Variants in GALNTL6 observed in about 807,000 individuals in gnomAD.
GALNTL6 encodes polypeptide N-acetylgalactosaminyltransferase like 6.
GALNTL6 carries 46 observed loss-of-function variants against 73.7 expected under a neutral mutation model. That is an observed-to-expected ratio of 0.62 (90% CI 0.49 to 0.80). GALNTL6 has a LOEUF of 0.80. Ranked by LOEUF, GALNTL6 falls within the 30% of genes least tolerant of loss-of-function variation. The pLI is 0.00. For missense variants in GALNTL6, 604 were observed against 755.0 expected, an observed-to-expected ratio of 0.80 and a Z score of 2.34; for synonymous variants, 259 against 263.7, an observed-to-expected ratio of 0.98 and a Z score of 0.17.
chr4:172,648,760 C>T (rs1024662825), intron 5 of GALNTL6, among the ~76,000 whole-genome samples: 8 of 152,164 alleles, frequency 5.3e-5, no homozygotes, highest in African/African-American at 1.9e-4. Context: ...CTATCTTTTG[C>T]TGATATTTGC....
chr4:172,050,468 G>T (rs1206227984), intron 2 of GALNTL6, among the ~76,000 whole-genome samples: 1 of 152,104 alleles, frequency 6.6e-6, no homozygotes, highest in Non-Finnish European at 1.5e-5. Context: ...TAAAAATTTG[G>T]GGTGGGCAGA....
At chr4:172,991,546 C>T (rs1751546008) in intron 10 of GALNTL6, among the ~76,000 whole-genome samples, 1 of 151,874 alleles carries the variant, frequency 6.6e-6, no homozygotes, top group South Asian at 2.1e-4. Flanking sequence ...ACTACAGGGG[C>T]ATGCCACCAC....
At chr4:172,181,200 A>G (rs1735230501) in intron 2 of GALNTL6, among the ~76,000 whole-genome samples, 1 of 152,168 alleles carries the variant, frequency 6.6e-6, no homozygotes, top group Non-Finnish European at 1.5e-5. Flanking sequence ...CCTGATGAAC[A>G]TCAATGCAAA....
chr4:172,094,783 A>G (rs999704308), intron 2 of GALNTL6, among the ~76,000 whole-genome samples: 1 of 152,060 alleles, frequency 6.6e-6, no homozygotes, highest in Admixed American at 6.5e-5. Flanking sequence ...AATCATATTT[A>G]TCACCTGTAA....
intron 5 of GALNTL6, among the ~76,000 whole-genome samples, chr4:172,633,098 G>A (rs1315742565): frequency 1.3e-5 from 2 of 152,228 alleles, no homozygotes; most frequent in East Asian, 3.9e-4. Context: ...TGCTAGGGCA[G>A]TGTGGAAGGG....
intron 5 of GALNTL6, among the ~76,000 whole-genome samples, chr4:172,400,320 T>C (rs562862714): frequency 4.3e-4 from 65 of 152,326 alleles, no homozygotes; most frequent in African/African-American, 1.5e-3. Context: ...AAATGAATTC[T>C]AATACATTTT....
intron 2 of GALNTL6, among the ~76,000 whole-genome samples, chr4:172,050,691 A>G (rs182283061): frequency 2.0e-4 from 31 of 152,230 alleles, no homozygotes; most frequent in African/African-American, 7.0e-4. Context: ...CTTGCCTATT[A>G]TTTTGAGCTA....
chr4:172,228,127 T>A (rs1259572507), intron 2 of GALNTL6, among the ~76,000 whole-genome samples: 1 of 152,156 alleles, frequency 6.6e-6, no homozygotes, highest in East Asian at 1.9e-4. Flanking sequence ...TATAAGTTGA[T>A]CATCAATTCA....
chr4:172,958,890 AT>A (rs1372837368), intron 10 of GALNTL6, among the ~76,000 whole-genome samples: 49 of 152,118 alleles, frequency 3.2e-4, no homozygotes, highest in Non-Finnish European at 5.4e-4. Context: ...GGAGGGAGGT[AT>A]TTAGGATAGG....
At chr4:171,986,230 G>A (rs1246542166) in intron 2 of GALNTL6, among the ~76,000 whole-genome samples, 1 of 151,716 alleles carries the variant, frequency 6.6e-6, no homozygotes, top group Admixed American at 6.6e-5. Flanking sequence ...TAAGGGTGGG[G>A]CTGTTTTATA....
chr4:171,873,509 T>C (rs1245026625), intron 2 of GALNTL6, among the ~76,000 whole-genome samples: 1 of 152,192 alleles, frequency 6.6e-6, no homozygotes, highest in Non-Finnish European at 1.5e-5. Context: ...CCCATCATGC[T>C]CAGAATCCTG....
intron 5 of GALNTL6, among the ~76,000 whole-genome samples, chr4:172,493,749 G>C (rs954430473): frequency 1.4e-4 from 22 of 152,152 alleles, no homozygotes; most frequent in African/African-American, 5.3e-4. Context: ...AAAGCTTCAT[G>C]GAAGTATTGC....
chr4:172,269,179 G>A (rs1204101463), intron 3 of GALNTL6, among the ~76,000 whole-genome samples: 1 of 152,068 alleles, frequency 6.6e-6, no homozygotes, highest in Non-Finnish European at 1.5e-5. Context: ...TTACAACAGA[G>A]CAAGTCTAGG....
intron 7 of GALNTL6, among the ~76,000 whole-genome samples, chr4:172,881,588 C>CAA (rs956976386): frequency 4.6e-5 from 7 of 152,162 alleles, no homozygotes; most frequent in African/African-American, 1.7e-4. Flanking sequence ...ATTACCAAGA[C>CAA]TAAGTTCTCA....
intron 3 of GALNTL6, among the ~76,000 whole-genome samples, chr4:172,302,382 C>G (rs1168202339): frequency 1.3e-5 from 2 of 152,136 alleles, no homozygotes; most frequent in African/African-American, 4.8e-5. Context: ...TGTTCTTCCC[C>G]CACTGTCCGA....
intron 2 of GALNTL6, among the ~76,000 whole-genome samples, chr4:171,986,046 A>AAAC (rs1740067861): frequency 1.3e-5 from 2 of 150,956 alleles, no homozygotes; most frequent in African/African-American, 4.9e-5. Context: ...TCAAAAAAAA[A>AAAC]AAAAAAAAAA....
chr4:172,390,015 A>T (rs1743603628), intron 5 of GALNTL6, among the ~76,000 whole-genome samples: 1 of 152,132 alleles, frequency 6.6e-6, no homozygotes, highest in Non-Finnish European at 1.5e-5. Context: ...GTGATGAATG[A>T]TATACTTTCT....
chr4:172,878,862 T>C (rs999382759), intron 7 of GALNTL6, among the ~76,000 whole-genome samples: 4 of 151,858 alleles, frequency 2.6e-5, no homozygotes, highest in African/African-American at 9.7e-5. Context: ...ATAAGAAAAC[T>C]ATTTTAAGCA....
intron 2 of GALNTL6, among the ~76,000 whole-genome samples, chr4:171,926,502 A>C (rs1737989746): frequency 6.6e-6 from 1 of 152,176 alleles, no homozygotes; most frequent in South Asian, 2.1e-4. Flanking sequence ...CTACTTATGG[A>C]ATTTTTAGAT....
Sources: gnomAD v4.1 joint callset for allele counts (sites outside exome capture counted in the v4.1 genomes callset) on GRCh38, gnomAD v4.1.1 for gene constraint, MANE v1.5 for transcripts, NCBI Gene and HGNC (gene_info 2026-07-23, HGNC 2026-07-21) for gene names.